STK3: variants seen among roughly 807,000 people sequenced by gnomAD.
The protein encoded by STK3 is serine/threonine kinase 3, also known as serine/threonine-protein kinase 3.
Under a neutral mutation model 58.0 loss-of-function variants are expected in STK3, and 41 were observed. That is an observed-to-expected ratio of 0.71 (90% CI 0.55 to 0.92). The LOEUF is 0.92. Ranked by LOEUF, STK3 falls within the 40% of genes least tolerant of loss-of-function variation. The probability of loss-of-function intolerance (pLI) is 0.00; values close to 1 mark genes in which losing one functional copy is unlikely to be tolerated. For synonymous variants in STK3, 170 were observed against 191.0 expected (o/e 0.89, Z 0.91); for missense variants, 479 against 602.7 (o/e 0.79, Z 2.15).
chr8:98,559,044 C>T (rs1247242333), intron 8 of STK3, among the ~76,000 whole-genome samples: 4 of 152,080 alleles, frequency 2.6e-5, no homozygotes, highest in Admixed American at 2.6e-4. Flanking sequence ...ATCTCCCCCA[C>T]AACCCAAATA....
intron 6 of STK3, among the ~76,000 whole-genome samples, chr8:98,670,167 G>C (rs1158114333): frequency 2.0e-5 from 3 of 152,070 alleles, no homozygotes; most frequent in African/African-American, 4.8e-5. Flanking sequence ...CCAAGAGTTC[G>C]AGACCAGCCT....
chr8:98,461,123 C>A (rs181565081), intron 10 of STK3, among the ~76,000 whole-genome samples: 1 of 152,268 alleles, frequency 6.6e-6, no homozygotes, highest in East Asian at 1.9e-4. Context: ...GCACCTATCT[C>A]TTTTCTTAGA....
At chr8:98,767,419 A>G (rs370631478) in intron 2 of STK3, 48 bp from the exon 3 acceptor site, 11 of 1,515,528 alleles carry the variant, frequency 7.3e-6, no homozygotes, top group Admixed American at 2.5e-5. Flanking sequence ...CATCGTAACT[A>G]TAAGATTAAA....
intron 1 of STK3, among the ~76,000 whole-genome samples, chr8:98,448,085 CTACT>C (rs1819038278): frequency 6.6e-6 from 1 of 151,620 alleles, no homozygotes; most frequent in African/African-American, 2.4e-5. Context: ...CTCCAAATCA[CTACT>C]TACTTGTTAA....
chr8:98,796,371 T>C (rs1348492892), intron 1 of STK3, among the ~76,000 whole-genome samples: 1 of 152,050 alleles, frequency 6.6e-6, no homozygotes, highest in Non-Finnish European at 1.5e-5. Context: ...TTCAACAAAA[T>C]TGACAAAAGC....
chr8:98,606,656 C>T (rs1816797547), intron 6 of STK3, among the ~76,000 whole-genome samples: 1 of 152,114 alleles, frequency 6.6e-6, no homozygotes, highest in South Asian at 2.1e-4. Context: ...TTAATGAAAC[C>T]CCAGTAAAAA....
At chr8:98,688,947 T>C (rs1046242955) in intron 6 of STK3, among the ~76,000 whole-genome samples, 1 of 151,730 alleles carries the variant, frequency 6.6e-6, no homozygotes, top group Non-Finnish European at 1.5e-5. Flanking sequence ...CAAAAAACCA[T>C]ACAAAAGATC....
intron 1 of STK3, among the ~76,000 whole-genome samples, chr8:98,804,756 C>A (rs1022827888): frequency 2.7e-4 from 41 of 152,188 alleles, no homozygotes; most frequent in Non-Finnish European, 1.8e-4. Context: ...GAACTTTTAG[C>A]TTCTTTTATG....
intron 10 of STK3, among the ~76,000 whole-genome samples, chr8:98,504,175 G>A (rs1017306910): frequency 3.3e-5 from 5 of 152,008 alleles, no homozygotes; most frequent in African/African-American, 1.2e-4. Flanking sequence ...ATCTTTGTTG[G>A]TTTAAAGTCT....
At chr8:98,653,237 G>C (rs1028502644) in intron 6 of STK3, among the ~76,000 whole-genome samples, 6 of 152,256 alleles carry the variant, frequency 3.9e-5, no homozygotes, top group Admixed American at 2.0e-4. Flanking sequence ...TGACTACTGG[G>C]TACATAACGA....
At chr8:98,704,667 T>C (rs1418167288) in intron 6 of STK3, among the ~76,000 whole-genome samples, 1 of 152,164 alleles carries the variant, frequency 6.6e-6, no homozygotes, top group East Asian at 1.9e-4. Context: ...TTTAATAATG[T>C]ATAATGTATT....
intron 4 of STK3, chr8:98,721,132 A>G: frequency 1.0e-6 from 1 of 985,158 alleles, no homozygotes; most frequent in Non-Finnish European, 1.2e-6. Context: ...TGGCTTTATG[A>G]GCATTTTATT....
At chr8:98,700,989 C>T (rs541516517) in intron 6 of STK3, among the ~76,000 whole-genome samples, 7 of 151,942 alleles carry the variant, frequency 4.6e-5, no homozygotes, top group East Asian at 1.9e-4. Context: ...GGTGACACAG[C>T]GAGAATCCAT....
At chr8:98,818,401 T>C (rs1330542261) in intron 1 of STK3, among the ~76,000 whole-genome samples, 11 of 152,186 alleles carry the variant, frequency 7.2e-5, no homozygotes, top group Admixed American at 7.2e-4. Context: ...AATGCCAATT[T>C]TGCCATGAGT....
At chr8:98,521,814 C>G (rs1299220552) in intron 10 of STK3, among the ~76,000 whole-genome samples, 1 of 152,106 alleles carries the variant, frequency 6.6e-6, no homozygotes, top group South Asian at 2.1e-4. Flanking sequence ...TCTCTTTCTG[C>G]TATCCATTTA....
chr8:98,430,655 C>G (rs372661305), intron 3 of STK3: 1 of 167,038 alleles, frequency 6.0e-6, no homozygotes, highest in Non-Finnish European at 1.5e-5. Context: ...AAAATATAGA[C>G]GTGCACGATG....
At chr8:98,378,779 A>G (rs1276427303) in intron 2 of STK3, among the ~76,000 whole-genome samples, 2 of 152,146 alleles carry the variant, frequency 1.3e-5, no homozygotes, top group African/African-American at 4.8e-5. Context: ...CTGATCCAGC[A>G]TCACCTGCAA....
In STK3 at chr8:98,800,731, G is replaced by T. The variant is rs1469229020; in HGVS notation, c.26+24784C>A. The stretch of plus-strand genomic sequence containing the variant: ...TGGGCAGTGAAGGGCTTAGCACCCG[G>T]GCCAGCAGCTGCGGAAGGGGCACCG... On this transcript the variant is annotated intron_variant, in intron 1 of 10. Transcript: ENST00000419617. The surrounding 1 kb of genome is among the most constrained non-coding windows in gnomAD (Gnocchi z 4.8). Among the ~76,000 whole-genome samples the T allele has an allele frequency of 6.6e-6, 1 of 152,216 alleles. No homozygotes were observed. The highest frequency in any genetic ancestry group is 1.5e-5 in the Non-Finnish European group (1 of 68,032).
intron 6 of STK3, among the ~76,000 whole-genome samples, chr8:98,643,226 T>C (rs1251329162): frequency 6.6e-6 from 1 of 152,006 alleles, no homozygotes; most frequent in East Asian, 1.9e-4. Flanking sequence ...GCTCAAAAAA[T>C]AAAATACAAT....
Sources: gnomAD v4.1 joint callset for allele counts (sites outside exome capture counted in the v4.1 genomes callset) on GRCh38, gnomAD v4.1.1 for gene constraint, Gnocchi (gnomAD v3.1) non-coding constraint, MANE v1.5 for transcripts, NCBI Gene and HGNC (gene_info 2026-07-23, HGNC 2026-07-21) for gene names.